PCDHA11: variants seen among roughly 807,000 people sequenced by gnomAD.
The protein encoded by PCDHA11 is protocadherin alpha 11.
In PCDHA11, 61 loss-of-function variants were observed where a neutral mutation model predicts 70.3. The observed-to-expected ratio is 0.87, with a 90% CI of 0.71 to 1.07. The LOEUF (loss-of-function observed/expected upper bound fraction) is 1.07. Among genes scored for constraint, PCDHA11 ranks in the 50% least tolerant of loss-of-function variants. The pLI, the probability that PCDHA11 is intolerant of heterozygous loss-of-function variation, is 0.00. For synonymous variants in PCDHA11, 633 were observed against 555.1 expected (o/e 1.14, Z -1.97); for missense variants, 1,324 against 1,237.5 (o/e 1.07, Z -1.05).
intron 1 of PCDHA11, among the ~76,000 whole-genome samples, chr5:140,924,446 G>A (rs1554201951): frequency 6.6e-6 from 1 of 152,110 alleles, no homozygotes; most frequent in African/African-American, 2.4e-5. Context: ...ATAACGAATG[G>A]GTTTGTGTGT....
chr5:140,903,357 T>C (rs1554190932), intron 1 of PCDHA11, among the ~76,000 whole-genome samples: 1 of 152,166 alleles, frequency 6.6e-6, no homozygotes, highest in African/African-American at 2.4e-5. Flanking sequence ...AAACAAGTTT[T>C]TCAAAAATAT....
intron 1 of PCDHA11, chr5:140,968,757 A>G (rs1488596963): frequency 6.2e-7 from 1 of 1,614,204 alleles, no homozygotes; most frequent in Non-Finnish European, 8.5e-7. Flanking sequence ...GTGGTCCGAG[A>G]TAATGGAGAG....
intron 1 of PCDHA11, chr5:140,883,780 G>C (rs903874944): frequency 1.2e-6 from 2 of 1,612,370 alleles, no homozygotes; most frequent in Admixed American, 1.7e-5. Flanking sequence ...AGCGTGCGCT[G>C]TCGAGCTACG....
chr5:140,886,043 T>C (rs977275136), intron 1 of PCDHA11, among the ~76,000 whole-genome samples: 3 of 152,168 alleles, frequency 2.0e-5, no homozygotes, highest in Admixed American at 6.5e-5. Context: ...TTTTCCCCAA[T>C]AGTAACATCT....
At chr5:140,958,290 T>C (rs1554223401) in intron 1 of PCDHA11, among the ~76,000 whole-genome samples, 1 of 152,154 alleles carries the variant, frequency 6.6e-6, no homozygotes, top group Non-Finnish European at 1.5e-5. Context: ...TTAAATATTA[T>C]TGAACTTAAT....
rs781967971 is a variant in PCDHA11 at position 140,875,741 on chromosome 5, T to C, written c.2391+4247T>C. 10 of 1,614,098 alleles carry C rather than the reference T, an allele frequency of 6.2e-6. No homozygotes were observed. The highest frequency in any genetic ancestry group is 8.5e-6 in the Non-Finnish European group (10 of 1,180,040). On this transcript the variant is annotated intron_variant, in intron 1 of 3. Coordinates refer to ENST00000398640, the MANE Select transcript of PCDHA11 (RefSeq NM_018902.5). ...GGCATTTTGTTTGTGAATTCTCGGA[T>C]CGACCGCGAGAAGCTGTGCGGGCGG...
intron 1 of PCDHA11, among the ~76,000 whole-genome samples, chr5:140,872,003 A>C (rs1314439086): frequency 2.0e-5 from 3 of 152,202 alleles, no homozygotes; most frequent in Non-Finnish European, 2.9e-5. Context: ...GGCTATTTAC[A>C]GGTGACCTGT....
At chr5:140,954,591 G>A (rs951330274) in intron 1 of PCDHA11, among the ~76,000 whole-genome samples, 3 of 152,062 alleles carry the variant, frequency 2.0e-5, no homozygotes, top group Non-Finnish European at 2.9e-5. Context: ...GTCTGTTCAT[G>A]TTCTTTGCCC....
At chr5:140,994,562 G>A (rs1554254244) in intron 3 of PCDHA11, among the ~76,000 whole-genome samples, 2 of 152,094 alleles carry the variant, frequency 1.3e-5, no homozygotes, top group Non-Finnish European at 2.9e-5. Context: ...AAAATTAGCC[G>A]GGTGTGGTGG....
intron 1 of PCDHA11, among the ~76,000 whole-genome samples, chr5:140,940,057 A>G (rs2092538975): frequency 6.6e-6 from 1 of 152,224 alleles, no homozygotes; most frequent in African/African-American, 2.4e-5. Flanking sequence ...TTCTTAACCA[A>G]ATATAAATAT....
intron 1 of PCDHA11, chr5:140,926,774 A>G: frequency 7.2e-7 from 1 of 1,380,760 alleles, no homozygotes; most frequent in Non-Finnish European, 9.4e-7. Flanking sequence ...AGCCCGCAGC[A>G]GTGACGGCCG....
At chr5:141,005,442 G>A (rs529691807) in intron 3 of PCDHA11, among the ~76,000 whole-genome samples, 39 of 152,092 alleles carry the variant, frequency 2.6e-4, no homozygotes, top group Middle Eastern at 3.4e-3. Context: ...AGAGGCTCAC[G>A]CCTGTAATCC....
intron 1 of PCDHA11, among the ~76,000 whole-genome samples, chr5:140,887,368 T>C (rs2061428699): frequency 6.6e-6 from 1 of 152,174 alleles, no homozygotes; most frequent in Non-Finnish European, 1.5e-5. Context: ...AGTGCTGGGA[T>C]TACAGGTGTG....
intron 1 of PCDHA11, among the ~76,000 whole-genome samples, chr5:140,925,108 G>A (rs77719760): frequency 1.1e-3 from 139 of 124,762 alleles, no homozygotes; most frequent in African/African-American, 2.5e-3. Flanking sequence ...GAAGGAAGGA[G>A]GGAAGGAAGG....
intron 1 of PCDHA11, among the ~76,000 whole-genome samples, chr5:140,935,416 A>G (rs35902736): frequency 0.059 from 8,919 of 152,326 alleles, 374 homozygotes; most frequent in Non-Finnish European, 0.083. Context: ...ATGGACTTAG[A>G]AAACAATTTC....
In PCDHA11 at chr5:140,943,486, T is replaced by C. The variant is rs573341102; in HGVS notation, c.2392-35463T>C. Among the ~76,000 whole-genome samples the C allele has an allele frequency of 2.6e-5, 4 of 152,178 alleles. No homozygotes were observed. The South Asian group carries it at 8.3e-4, about 32-fold the overall frequency. Reference sequence around the variant, plus strand: ...GTGGGAGATACAGTAAAATAATAAATAGATGCTATCAAGGTTCATGGAAAT... The same window carrying C: ...GTGGGAGATACAGTAAAATAATAAACAGATGCTATCAAGGTTCATGGAAAT... On this transcript the variant is annotated intron_variant, in intron 1 of 3. Coordinates refer to ENST00000398640, the MANE Select transcript of PCDHA11 (RefSeq NM_018902.5).
chr5:140,979,573 G>T lies in PCDHA11; in HGVS notation c.2450+566G>T, dbSNP rs558232107. Among the ~76,000 whole-genome samples, 224 of 152,236 alleles carry T rather than the reference G, an allele frequency of 1.5e-3. 1 individual carries two copies. Among genetic ancestry groups the T allele is most frequent in the African/African-American group, 5.2e-3 (215 of 41,538 alleles). On this transcript the variant is annotated intron_variant, in intron 2 of 3. Transcript: ENST00000398640. ...CTTCAGAAGATGAGCCATGTAAAGG[G>T]CTCCAAATCTAGCTTACTTTAAATT...
chr5:140,978,920 A>G, intron 1 of PCDHA11, 29 bp from the exon 2 acceptor site: 1 of 1,614,014 alleles, frequency 6.2e-7, no homozygotes, highest in Non-Finnish European at 8.5e-7. Context: ...TTGTCATTTT[A>G]ACAGAAAACT....
intron 1 of PCDHA11, among the ~76,000 whole-genome samples, chr5:140,944,779 T>C (rs1022054674): frequency 6.6e-6 from 1 of 152,228 alleles, no homozygotes; most frequent in African/African-American, 2.4e-5. Flanking sequence ...CCTCCTGTTA[T>C]TGTATTTTAC....
Sources: gnomAD v4.1 joint callset for allele counts (sites outside exome capture counted in the v4.1 genomes callset) on GRCh38, gnomAD v4.1.1 for gene constraint, MANE v1.5 for transcripts, NCBI Gene and HGNC (gene_info 2026-07-23, HGNC 2026-07-21) for gene names.